HMOX2: variants seen among roughly 807,000 people sequenced by gnomAD.
HMOX2 encodes the protein heme oxygenase (decycling) 2.
In HMOX2, 30 loss-of-function variants were observed where a neutral mutation model predicts 33.7. That is an observed-to-expected ratio of 0.89 (90% CI 0.67 to 1.21). The LOEUF is 1.21. HMOX2 is among the 50% of genes most tolerant of loss of function. The pLI is 0.00. For synonymous variants in HMOX2, 155 were observed against 155.0 expected, an observed-to-expected ratio of 1.00 and a Z score of 0.00; for missense variants, 403 against 399.1, an observed-to-expected ratio of 1.01 and a Z score of -0.08.
chr16:4,480,915 A>G (rs920174987), intron 1 of HMOX2, among the ~76,000 whole-genome samples: 1 of 150,606 alleles, frequency 6.6e-6, no homozygotes, highest in Non-Finnish European at 1.5e-5. Flanking sequence ...CGGCCTCCCA[A>G]AGCATTGGGA....
chr16:4,491,568 C>G (rs960241249), intron 1 of HMOX2, among the ~76,000 whole-genome samples: 6 of 152,052 alleles, frequency 3.9e-5, no homozygotes, highest in African/African-American at 1.4e-4. Context: ...GGGAGGATCA[C>G]TTGAGCTCAG....
rs1400089683 is a variant in HMOX2, at chr16:4,509,529, C to A, written c.814C>A (p.Gln272Lys). ...MRKCPFYAAEQDKGALEGSSC... is the reference protein window; with the variant it reads ...MRKCPFYAAEKDKGALEGSSC... ...TAAATGCCCTTTCTACGCTGCTGAA[C>A]AAGACAAAGGTAGGTCTGTGTGTCC... Residue 272 changes from glutamine (Q) to lysine (K), a missense_variant, in exon 5 of 6, where the codon CAA (glutamine) becomes AAA (lysine). Physicochemically the swap from Gln to Lys is moderately conservative, Grantham distance 53. Coordinates refer to ENST00000570646, the MANE Select transcript of HMOX2 (RefSeq NM_002134.4). The A allele has an allele frequency of 6.2e-7, 1 of 1,614,138 alleles. No individual in the cohort carries two copies.
At chr16:4,503,104 C>G (rs1045962367) in intron 1 of HMOX2, 2 of 151,980 alleles carry the variant, frequency 1.3e-5, no homozygotes, top group African/African-American at 2.4e-5. Flanking sequence ...CGTGAGCCAC[C>G]GCGCCCGGCT....
chr16:4,494,696 T>C (rs1196803173), intron 1 of HMOX2, among the ~76,000 whole-genome samples: 3 of 152,090 alleles, frequency 2.0e-5, no homozygotes, highest in Non-Finnish European at 4.4e-5. Context: ...CTGGACAACA[T>C]GGTGAAACCC....
At chr16:4,486,574 T>A (rs1418647556) in intron 1 of HMOX2, among the ~76,000 whole-genome samples, 1 of 152,192 alleles carries the variant, frequency 6.6e-6, no homozygotes, top group African/African-American at 2.4e-5. Context: ...AAGGAACTAG[T>A]GGGCAACTGG....
intron 1 of HMOX2, among the ~76,000 whole-genome samples, chr16:4,487,976 A>T (rs1033935111): frequency 4.0e-5 from 6 of 148,446 alleles, no homozygotes; most frequent in African/African-American, 1.5e-4. Flanking sequence ...AAAAAAATGT[A>T]GCCGGGTGTG....
intron 1 of HMOX2, among the ~76,000 whole-genome samples, chr16:4,479,841 C>T (rs575374825): frequency 2.4e-4 from 35 of 145,756 alleles, no homozygotes; most frequent in African/African-American, 9.1e-4. Context: ...TGGGTTCAAG[C>T]GATTCTCCAG....
At chr16:4,479,292 A>T (rs1476454792) in intron 1 of HMOX2, among the ~76,000 whole-genome samples, 1 of 152,120 alleles carries the variant, frequency 6.6e-6, no homozygotes, top group Non-Finnish European at 1.5e-5. Context: ...CTGCTTGTCG[A>T]TCTAAGGGGT....
At chr16:4,505,380 G>C (rs1382623577) in intron 1 of HMOX2, 104 bp from the exon 2 acceptor site, 1 of 584,534 alleles carries the variant, frequency 1.7e-6, no homozygotes, top group East Asian at 2.8e-5. Flanking sequence ...GGGGTGTGTG[G>C]GTGTCACCTT....
At chr16:4,489,292 G>A (rs1323065820) in intron 1 of HMOX2, among the ~76,000 whole-genome samples, 1 of 152,046 alleles carries the variant, frequency 6.6e-6, no homozygotes, top group Admixed American at 6.6e-5. Context: ...TTCACCAAGT[G>A]TTTAGTCACT....
At chr16:4,489,162 A>T (rs148687772) in intron 1 of HMOX2, among the ~76,000 whole-genome samples, 7 of 152,342 alleles carry the variant, frequency 4.6e-5, no homozygotes, top group Admixed American at 3.3e-4. Context: ...TATCTGTGGA[A>T]TGTAAGGAAG....
intron 1 of HMOX2, among the ~76,000 whole-genome samples, chr16:4,500,272 A>C (rs912722639): frequency 1.3e-5 from 2 of 152,158 alleles, no homozygotes; most frequent in African/African-American, 4.8e-5. Flanking sequence ...GGGTGATGGT[A>C]AGAATCCTGA....
chr16:4,475,427 T>C (rs2057792994), upstream of HMOX2, among the ~76,000 whole-genome samples: 1 of 150,908 alleles, frequency 6.6e-6, no homozygotes, highest in Non-Finnish European at 1.5e-5. Flanking sequence ...CCTGCCTCAG[T>C]TTCCTGAGTA....
At chr16:4,491,506 G>T (rs1005084906) in intron 1 of HMOX2, among the ~76,000 whole-genome samples, 1 of 151,878 alleles carries the variant, frequency 6.6e-6, no homozygotes, top group Admixed American at 6.6e-5. Flanking sequence ...CAAAAAATTA[G>T]CTGGGCATGG....
chr16:4,486,510 G>A (rs1367776592), intron 1 of HMOX2, among the ~76,000 whole-genome samples: 3 of 152,210 alleles, frequency 2.0e-5, no homozygotes, highest in Admixed American at 6.5e-5. Context: ...CTGGGGATGA[G>A]GTGAGTTGAA....
intron 1 of HMOX2, among the ~76,000 whole-genome samples, chr16:4,479,773 C>T (rs1225089234): frequency 8.6e-6 from 1 of 115,934 alleles, no homozygotes; most frequent in Non-Finnish European, 1.7e-5. Context: ...CAGTCTTGCT[C>T]TGTCACCCAG....
At chr16:4,486,803 C>T (rs1567384209) in intron 1 of HMOX2, among the ~76,000 whole-genome samples, 1 of 152,334 alleles carries the variant, frequency 6.6e-6, no homozygotes, top group South Asian at 2.1e-4. Context: ...CTTATGTCTC[C>T]TAGACCACAG....
At chr16:4,491,790 C>T (rs1282311807) in intron 1 of HMOX2, among the ~76,000 whole-genome samples, 1 of 151,900 alleles carries the variant, frequency 6.6e-6, no homozygotes, top group African/African-American at 2.4e-5. Flanking sequence ...CTCACTGCAA[C>T]CTCCACCTCC....
chr16:4,495,150 T>C lies in HMOX2; in HGVS notation c.-41-10334T>C, dbSNP rs1489451188. ...TAGTCCTATGGGACGTTGTCATTCA[T>C]GTGCAAATCAGGCCCTATATACTAA... On this transcript the variant is annotated intron_variant, in intron 1 of 5. Transcript: ENST00000570646. Among the ~76,000 whole-genome samples the C allele has an allele frequency of 3.3e-5, 5 of 152,236 alleles. No individual in the cohort carries two copies. In the East Asian group the frequency reaches 9.6e-4, roughly 29 times the overall value.
Sources: allele counts gnomAD v4.1 joint callset (sites outside exome capture counted in the v4.1 genomes callset), GRCh38; gene constraint gnomAD v4.1.1; transcripts MANE v1.5; gene names NCBI Gene and HGNC (gene_info 2026-07-23, HGNC 2026-07-21).